The following TP63 variants were observed in gnomAD, a reference collection of about 807,000 sequenced individuals.
TP63 encodes the protein tumor protein p63.
A neutral mutation model predicts 82.8 loss-of-function variants in TP63; 17 were observed. That is an observed-to-expected ratio of 0.21 (90% confidence interval 0.14 to 0.31). TP63 has a LOEUF of 0.31. Among genes scored for constraint, TP63 ranks in the 10% least tolerant of loss-of-function variants. The pLI is 1.00. For synonymous variants in TP63, 330 were observed against 321.7 expected, an observed-to-expected ratio of 1.03 and a Z score of -0.28; for missense variants, 648 against 895.3, an observed-to-expected ratio of 0.72 and a Z score of 3.52.
rs1721425098 is a variant in TP63, at chr3:189,895,840, T to A, written c.*1338T>A. The A allele has an allele frequency of 1.8e-5, 4 of 225,974 alleles. No individual in the cohort carries two copies. The highest frequency in any genetic ancestry group is 2.6e-5 in the Non-Finnish European group (3 of 113,578). 14.0% of individuals were successfully genotyped at this position (225,974 alleles called of 1,614,324 possible). A position where few individuals can be genotyped will look rare whatever the true frequency, so the allele number is the denominator to read the frequency against. On this transcript the variant is annotated 3_prime_UTR_variant, in exon 14 of 14. Coordinates refer to ENST00000264731, the MANE Select transcript of TP63 (RefSeq NM_003722.5). ...TAAAATTATGAGATTGGTTTTCCTG[T>A]GGCATAAATTGCATCACTGTATCAT...
chr3:189,775,532 C>T (rs1004860257), intron 3 of TP63, among the ~76,000 whole-genome samples: 16 of 152,106 alleles, frequency 1.1e-4, no homozygotes, highest in Admixed American at 2.6e-4. Context: ...TATTTGATTG[C>T]GGGTGCTCTT....
At chr3:189,640,112 A>G (rs991698842) in intron 1 of TP63, among the ~76,000 whole-genome samples, 1 of 152,154 alleles carries the variant, frequency 6.6e-6, no homozygotes, top group Admixed American at 6.6e-5. Context: ...AACTACATAA[A>G]TAATGAATAT....
At chr3:189,840,840 G>T (rs1442414700) in intron 4 of TP63, among the ~76,000 whole-genome samples, 3 of 130,112 alleles carry the variant, frequency 2.3e-5, no homozygotes, top group Non-Finnish European at 1.6e-5. Flanking sequence ...CTGGGCGACA[G>T]AGCAAGACTC....
In TP63 at chr3:189,871,878, C is replaced by T. The variant is rs144585326; in HGVS notation, c.1213-981C>T. 5.3e-5 allele frequency among the ~76,000 whole-genome samples: 8 copies of T among 152,278 alleles called. No individual in the cohort carries two copies. In the East Asian group the frequency reaches 7.7e-4, roughly 15 times the overall value. On this transcript the variant is annotated intron_variant, in intron 9 of 13. Transcript: ENST00000264731. ...CTGGGACCACAGGTGTGGGCCACCA[C>T]GCCCACTAATTTTTGCACATTTTGT...
intron 1 of TP63, among the ~76,000 whole-genome samples, chr3:189,711,388 T>A (rs1718583155): frequency 6.6e-6 from 1 of 152,166 alleles, no homozygotes; most frequent in Admixed American, 6.6e-5. Flanking sequence ...ATTTTTGTGT[T>A]TACAATGACA....
chr3:189,859,339 C>T lies in TP63; in HGVS notation c.580-4893C>T, dbSNP rs140877779. Among the ~76,000 whole-genome samples the T allele has an allele frequency of 1.4e-3, 214 of 151,908 alleles. 4 individuals carry two copies. The South Asian group carries it at 0.024, about 17-fold the overall frequency. On this transcript the variant is annotated intron_variant, in intron 4 of 13. Coordinates refer to ENST00000264731, the MANE Select transcript of TP63 (RefSeq NM_003722.5). ...AGTCTGTATTACAATTTTTTTAACTCAAAAGGTACAAAATATTTGAACAGA... is the reference window on the plus strand; with the variant it reads ...AGTCTGTATTACAATTTTTTTAACTTAAAAGGTACAAAATATTTGAACAGA...
intron 4 of TP63, among the ~76,000 whole-genome samples, chr3:189,818,132 A>C (rs529640318): frequency 6.6e-6 from 1 of 151,982 alleles, no homozygotes; most frequent in African/African-American, 2.4e-5. Flanking sequence ...ATATTTATAA[A>C]ATATAAAAAT....
the TP63 span, among the ~76,000 whole-genome samples, chr3:189,603,822 C>T: frequency 6.6e-6 from 1 of 151,794 alleles, no homozygotes; most frequent in Admixed American, 6.6e-5. Context: ...TTTTAGCCCT[C>T]ATTGGAAAAT....
At chr3:189,882,909 G>A (rs116699731) in intron 10 of TP63, among the ~76,000 whole-genome samples, 5,082 of 152,272 alleles carry the variant, frequency 0.033, 112 homozygotes, top group Middle Eastern at 0.13. Context: ...CTGGAAATAC[G>A]TGAAATATGA....
chr3:189,670,791 A>G (rs143813639), intron 1 of TP63, among the ~76,000 whole-genome samples: 5,875 of 152,160 alleles, frequency 0.039, 144 homozygotes, highest in Middle Eastern at 0.054. Context: ...GGTGCCAGGG[A>G]CATACATTGG....
At chr3:189,708,987 C>G (rs1718400036) in intron 1 of TP63, among the ~76,000 whole-genome samples, 2 of 152,088 alleles carry the variant, frequency 1.3e-5, no homozygotes, top group Non-Finnish European at 2.9e-5. Flanking sequence ...TCTTACATAC[C>G]TAGAATATAT....
intron 1 of TP63, among the ~76,000 whole-genome samples, chr3:189,735,381 C>T (rs910754914): frequency 3.9e-5 from 6 of 152,106 alleles, no homozygotes; most frequent in Non-Finnish European, 8.8e-5. Flanking sequence ...TCACTTTTTT[C>T]ATATCCCTAG....
In TP63 at chr3:189,644,291, T is replaced by C. The variant is rs1268600110; in HGVS notation, c.62+12714T>C. On this transcript the variant is annotated intron_variant, in intron 1 of 13. Transcript: ENST00000264731. ...GCACCAAGTCCCTTCCCCTCTCTCA[T>C]ACCCCCAGCTTGCACCAAGCCTGTT... Among the ~76,000 whole-genome samples the C allele has an allele frequency of 4.1e-5, 6 of 146,706 alleles. No homozygotes were observed. In the East Asian group the frequency reaches 1.3e-3, roughly 32 times the overall value.
chr3:189,659,104 G>A (rs1713650174), intron 1 of TP63, among the ~76,000 whole-genome samples: 1 of 151,848 alleles, frequency 6.6e-6, no homozygotes, highest in Admixed American at 6.6e-5. Flanking sequence ...TGGGGTACAT[G>A]TGCAGTTGTG....
the TP63 span, among the ~76,000 whole-genome samples, chr3:189,605,013 G>A: frequency 6.6e-6 from 1 of 152,232 alleles, no homozygotes; most frequent in South Asian, 2.1e-4. Context: ...TTCTGGTGTT[G>A]TATTCTTTAC....
At chr3:189,631,854 T>G (rs1729481329) in intron 1 of TP63, among the ~76,000 whole-genome samples, 1 of 152,168 alleles carries the variant, frequency 6.6e-6, no homozygotes, top group Non-Finnish European at 1.5e-5. Context: ...ATATATTATT[T>G]GCCTTGTTCA....
rs1038188765 is a variant in TP63 at position 189,869,381 on chromosome 3, C to T, written c.1187C>T (p.Pro396Leu). 6.2e-7 allele frequency: 1 copy of T among 1,613,912 alleles called. No homozygotes were observed. Among genetic ancestry groups the T allele is most frequent in the Non-Finnish European group, 8.5e-7 (1 of 1,179,960 alleles). Reference protein sequence around the residue: ...QMTSIKKRRSPDDELLYLPVR... With the variant: ...QMTSIKKRRSLDDELLYLPVR... ...ACATCCATCAAGAAACGAAGATCCC[C>T]AGATGATGAACTGTTATACTTACCA... The change falls in exon 9 of 14, where the codon CCA becomes CTA. Residue 396 changes from proline (P) to leucine (L), a missense_variant. Physicochemically the swap from Pro to Leu is moderately conservative, Grantham distance 98 (BLOSUM62 -3). Transcript: ENST00000264731.
intron 3 of TP63, among the ~76,000 whole-genome samples, chr3:189,779,523 C>A (rs1724064971): frequency 6.6e-6 from 1 of 152,096 alleles, no homozygotes; most frequent in Non-Finnish European, 1.5e-5. Flanking sequence ...TCCACAGGAC[C>A]TCTCAATTTC....
At chr3:189,868,742 G>A (rs1383345432) in intron 8 of TP63, 26 bp downstream of exon 8, 2 of 1,613,716 alleles carry the variant, frequency 1.2e-6, no homozygotes, top group Non-Finnish European at 1.7e-6. Flanking sequence ...GGCCAAATGG[G>A]GTAGGGTTGA....
Sources: gnomAD v4.1 joint callset for allele counts (sites outside exome capture counted in the v4.1 genomes callset) on GRCh38, gnomAD v4.1.1 for gene constraint, MANE v1.5 for transcripts, NCBI Gene and HGNC (gene_info 2026-07-23, HGNC 2026-07-21) for gene names.